The following SVOPL variants were observed in gnomAD, a reference collection of about 807,000 sequenced individuals.
SVOPL encodes putative transporter SVOPL.
In SVOPL, 60 loss-of-function variants were observed where a neutral mutation model predicts 61.0. The observed-to-expected ratio is 0.98, with a 90% CI of 0.80 to 1.22. The LOEUF (loss-of-function observed/expected upper bound fraction) is 1.22. SVOPL is among the 50% of genes most tolerant of loss of function. The pLI is 0.00. For missense variants in SVOPL, 662 were observed against 643.9 expected (o/e 1.03, Z -0.30); for synonymous variants, 279 against 250.0 (o/e 1.12, Z -1.09).
chr7:138,700,572 C>G (rs941397955), intron 1 of SVOPL, among the ~76,000 whole-genome samples: 5 of 151,904 alleles, frequency 3.3e-5, no homozygotes, highest in African/African-American at 9.7e-5. Flanking sequence ...AACTCCTGAC[C>G]TTGTGATCCA....
In SVOPL at chr7:138,627,340, C is replaced by A; in HGVS notation, c.1181+10G>T. ...CTGCACAAAATCTGAAGCAATTAAA[C>A]AGAAAATACCTTGAAGTGCAAATGT... On this transcript the variant is annotated intron_variant, in intron 12 of 15. Coordinates refer to ENST00000674285, the MANE Select transcript of SVOPL (RefSeq NM_001139456.2). 6.2e-7 allele frequency: 1 copy of A among 1,602,040 alleles called. No individual in the cohort carries two copies. The highest frequency in any genetic ancestry group is 8.6e-7 in the Non-Finnish European group (1 of 1,169,356).
chr7:138,618,445 A>G (rs1799398084), intron 14 of SVOPL, among the ~76,000 whole-genome samples: 1 of 152,134 alleles, frequency 6.6e-6, no homozygotes, highest in Non-Finnish European at 1.5e-5. Flanking sequence ...CGATCACCTG[A>G]GGTCAGGAGT....
chr7:138,664,211 T>C (rs1328554822), intron 4 of SVOPL: 50 of 464,280 alleles, frequency 1.1e-4, no homozygotes, highest in Non-Finnish European at 1.3e-4. Flanking sequence ...ACCTTCTACC[T>C]GGAAGACGTC....
At chr7:138,664,884 T>A in intron 4 of SVOPL, among the ~76,000 whole-genome samples, 2 of 75,008 alleles carry the variant, frequency 2.7e-5, no homozygotes, top group South Asian at 7.9e-4. Context: ...CTTTCCCCCA[T>A]AACCCTGACC....
rs773196860 is a variant in SVOPL, at chr7:138,627,446, A to G, written c.1085T>C (p.Ile362Thr). The G allele has an allele frequency of 6.2e-7, 1 of 1,613,406 alleles. No homozygotes were observed. Among genetic ancestry groups the G allele is most frequent in the Non-Finnish European group, 8.5e-7 (1 of 1,179,410 alleles). ...IGEIALNPLN[I>T]LGINFLGRRL... Reference sequence around the variant, plus strand: ...TCTTCCCAGGAAATTGATGCCCAGTATATTTAAAGGATTCACTAGAAAGCA... The same window carrying G: ...TCTTCCCAGGAAATTGATGCCCAGTGTATTTAAAGGATTCACTAGAAAGCA... The change falls in exon 12 of 16, where the codon ATA becomes ACA. Residue 362 changes from isoleucine (I) to threonine (T), a missense_variant. Transcript: ENST00000674285.
intron 14 of SVOPL, among the ~76,000 whole-genome samples, chr7:138,609,980 C>T (rs770572238): frequency 2.0e-5 from 3 of 152,126 alleles, no homozygotes; most frequent in Non-Finnish European, 2.9e-5. Flanking sequence ...CCGATGCCTG[C>T]CTCAGCCTCC....
intron 1 of SVOPL, among the ~76,000 whole-genome samples, chr7:138,679,457 G>C (rs973600015): frequency 6.6e-6 from 1 of 151,994 alleles, no homozygotes; most frequent in African/African-American, 2.4e-5. Flanking sequence ...ATATTTTGTA[G>C]AGACAGGGTT....
chr7:138,663,221 T>C, intron 4 of SVOPL, 76 bp from the exon 5 acceptor site: 1 of 1,563,048 alleles, frequency 6.4e-7, no homozygotes, highest in Non-Finnish European at 8.7e-7. Context: ...CCATTTTCAC[T>C]AGAAGTAGGC....
rs756672620 is a variant in SVOPL at position 138,596,489 on chromosome 7, G to A, written c.1395C>T (p.Phe465=). The change falls in exon 15 of 16, where the codon TTC becomes TTT. Residue 465 remains phenylalanine (F), a synonymous_variant. Coordinates refer to ENST00000674285, the MANE Select transcript of SVOPL (RefSeq NM_001139456.2). ...TGGCGCATACAACACAGACAGATGA[G>A]AAGAGACACAGGGCCCCCAGTATTG... ...SASILGALCL[F]SSVCVVCAIS... The A allele has an allele frequency of 1.2e-6, 2 of 1,613,928 alleles. No homozygotes were observed. The highest frequency in any genetic ancestry group is 1.7e-6 in the Non-Finnish European group (2 of 1,179,892).
At chr7:138,604,677 C>CAAAAAAAAAAAAAAAAAAAA (rs5887890) in intron 14 of SVOPL, among the ~76,000 whole-genome samples, 1 of 58,784 alleles carries the variant, frequency 1.7e-5, no homozygotes, top group Non-Finnish European at 2.9e-5. Context: ...AACTTTATCT[C>CAAAAAAAAAAAAAAAAAAAA]AAAAAAAAAA....
At chr7:138,651,729 A>G (rs1801444357) in intron 7 of SVOPL, among the ~76,000 whole-genome samples, 1 of 152,138 alleles carries the variant, frequency 6.6e-6, no homozygotes, top group African/African-American at 2.4e-5. Context: ...CCTGTATAAG[A>G]TATGAACTCA....
intron 9 of SVOPL, among the ~76,000 whole-genome samples, chr7:138,638,437 G>C (rs1053083144): frequency 6.6e-6 from 1 of 151,990 alleles, no homozygotes; most frequent in Non-Finnish European, 1.5e-5. Flanking sequence ...TATGAACAAA[G>C]TGTAACTGAA....
At chr7:138,649,248 G>A in intron 7 of SVOPL, 111 bp from the exon 8 acceptor site, 2 of 1,345,746 alleles carry the variant, frequency 1.5e-6, no homozygotes, top group Non-Finnish European at 2.0e-6. Context: ...TGTCCCATGT[G>A]CTTCACATAT....
At chr7:138,601,888 GTTTT>G (rs1324033502) in intron 14 of SVOPL, among the ~76,000 whole-genome samples, 8 of 81,942 alleles carry the variant, frequency 9.8e-5, no homozygotes, top group Non-Finnish European at 1.7e-4. Flanking sequence ...TCCTTTGCCT[GTTTT>G]ATGTTTTCAT....
chr7:138,609,814 C>T (rs1250806844), intron 14 of SVOPL, among the ~76,000 whole-genome samples: 1 of 151,808 alleles, frequency 6.6e-6, no homozygotes, highest in Non-Finnish European at 1.5e-5. Context: ...CTCACTGCAA[C>T]CTCCACCTCC....
chr7:138,697,310 A>T (rs1296110298), intron 1 of SVOPL, among the ~76,000 whole-genome samples: 1 of 152,202 alleles, frequency 6.6e-6, no homozygotes, highest in Non-Finnish European at 1.5e-5. Flanking sequence ...TAAAAGTACA[A>T]GAAAAAATTG....
At chr7:138,686,221 G>C (rs1033084267) in intron 1 of SVOPL, among the ~76,000 whole-genome samples, 20 of 152,040 alleles carry the variant, frequency 1.3e-4, no homozygotes, top group African/African-American at 4.6e-4. Context: ...TGGCCAACCT[G>C]GTGAAAACCC....
chr7:138,616,289 T>C (rs11770381), intron 14 of SVOPL, among the ~76,000 whole-genome samples: 86,974 of 151,986 alleles, frequency 0.57, 26,978 homozygotes, highest in East Asian at 0.99. Context: ...CCTTGACCTA[T>C]TGGCAGAGGC....
intron 9 of SVOPL, among the ~76,000 whole-genome samples, chr7:138,640,836 C>G (rs1270772076): frequency 1.3e-5 from 2 of 152,040 alleles, no homozygotes; most frequent in African/African-American, 4.8e-5. Flanking sequence ...ATGACAGGAT[C>G]AATCATACCC....
Sources: allele counts gnomAD v4.1 joint callset (sites outside exome capture counted in the v4.1 genomes callset), GRCh38; gene constraint gnomAD v4.1.1; transcripts MANE v1.5; gene names NCBI Gene and HGNC (gene_info 2026-07-23, HGNC 2026-07-21).